Variants in ARFIP1 observed in about 807,000 individuals in gnomAD.
The protein encoded by ARFIP1 is ARF interacting protein 1, also known as arfaptin-1.
ARFIP1 carries 24 observed loss-of-function variants against 42.5 expected under a neutral mutation model. That is an observed-to-expected ratio of 0.57 (90% CI 0.41 to 0.80). The LOEUF is 0.80. Ranked by LOEUF, ARFIP1 falls within the 30% of genes least tolerant of loss-of-function variation. ARFIP1 has a pLI of 0.00. For synonymous variants in ARFIP1, 141 were observed against 153.7 expected, an observed-to-expected ratio of 0.92 and a Z score of 0.61; for missense variants, 354 against 434.0, an observed-to-expected ratio of 0.82 and a Z score of 1.64.
At chr4:152,866,964 T>A (rs989957813) in intron 3 of ARFIP1, among the ~76,000 whole-genome samples, 2 of 145,308 alleles carry the variant, frequency 1.4e-5, no homozygotes, top group Admixed American at 6.8e-5. Flanking sequence ...CGCTCCTCAC[T>A]TCCTAGATGG....
intron 1 of ARFIP1, among the ~76,000 whole-genome samples, chr4:152,789,367 G>A (rs1367518013): frequency 1.3e-5 from 2 of 152,096 alleles, no homozygotes; most frequent in Non-Finnish European, 2.9e-5. Context: ...TGGGATTACA[G>A]GCGTGAGCCA....
chr4:152,894,314 C>G (rs1338785128), intron 8 of ARFIP1, among the ~76,000 whole-genome samples: 1 of 151,820 alleles, frequency 6.6e-6, no homozygotes, highest in Non-Finnish European at 1.5e-5. Flanking sequence ...TCTTTGCTTA[C>G]TAAAACTTCT....
chr4:152,796,468 A>C lies in ARFIP1; in HGVS notation c.-10+16242A>C, dbSNP rs547741929. The C allele has an allele frequency of 9.1e-5, 67 of 733,604 alleles. No homozygotes were observed. In the African/African-American group the frequency reaches 1.1e-3, roughly 12 times the overall value. 45.4% of individuals were successfully genotyped at this position (733,604 alleles called of 1,614,324 possible). A position where few individuals can be genotyped will look rare whatever the true frequency, so the allele number is the denominator to read the frequency against. ...AATGCTTCTGTTTCTCCCTGGGCAC[A>C]TACTTTAGGCAGAGGGACTTCCCAT... On this transcript the variant is annotated intron_variant, in intron 1 of 8. Coordinates refer to ENST00000353617, the MANE Select transcript of ARFIP1 (RefSeq NM_001025595.3).
intron 1 of ARFIP1, among the ~76,000 whole-genome samples, chr4:152,810,618 C>T (rs1490810480): frequency 6.6e-6 from 1 of 151,354 alleles, no homozygotes; most frequent in Non-Finnish European, 1.5e-5. Context: ...ACCATCCTGG[C>T]TAACATGGTG....
chr4:152,821,852 T>C (rs772122386), intron 1 of ARFIP1, among the ~76,000 whole-genome samples: 5 of 152,092 alleles, frequency 3.3e-5, no homozygotes, highest in Non-Finnish European at 7.4e-5. Context: ...TTAAACAGAA[T>C]AACATCCAGC....
At chr4:152,866,825 C>T (rs903473121) in intron 3 of ARFIP1, among the ~76,000 whole-genome samples, 30 of 151,226 alleles carry the variant, frequency 2.0e-4, no homozygotes, top group Admixed American at 2.6e-4. Context: ...GATGGGGTCG[C>T]GGCCAGGCAG....
intron 1 of ARFIP1, among the ~76,000 whole-genome samples, chr4:152,811,795 CAT>C (rs1165345745): frequency 6.6e-6 from 1 of 152,140 alleles, no homozygotes; most frequent in Non-Finnish European, 1.5e-5. Context: ...AGTGAGGTAT[CAT>C]GTATATTTTT....
rs1452333559 is a variant in ARFIP1, at chr4:152,865,120, C to T, written c.202+1406C>T. On this transcript the variant is annotated intron_variant, in intron 3 of 8. Transcript: ENST00000353617. ...CCATGCCTTTGTAAACCATAGCCCT[C>T]ATGCAGATATTAGTATTCTGTATTT... Among the ~76,000 whole-genome samples, 5 of 151,658 alleles carry T rather than the reference C, an allele frequency of 3.3e-5. No homozygotes were observed. The East Asian group carries it at 9.7e-4, about 29-fold the overall frequency.
chr4:152,854,358 A>G (rs113674551), intron 2 of ARFIP1, among the ~76,000 whole-genome samples: 188 of 152,220 alleles, frequency 1.2e-3, no homozygotes, highest in African/African-American at 4.3e-3. Flanking sequence ...TAAATTTCTC[A>G]TTCATATCCT....
chr4:152,909,099 A>C (rs1212654528), intron 8 of ARFIP1, among the ~76,000 whole-genome samples: 1 of 152,214 alleles, frequency 6.6e-6, no homozygotes, highest in Non-Finnish European at 1.5e-5. Flanking sequence ...ATAAGACCTC[A>C]GATGTCCGGG....
intron 2 of ARFIP1, among the ~76,000 whole-genome samples, chr4:152,855,693 T>C (rs1162644721): frequency 6.6e-6 from 1 of 152,180 alleles, no homozygotes; most frequent in Non-Finnish European, 1.5e-5. Flanking sequence ...AGAGTGAGCT[T>C]CCTTTCTGGG....
chr4:152,808,780 A>G (rs988887157), intron 1 of ARFIP1, among the ~76,000 whole-genome samples: 1 of 152,148 alleles, frequency 6.6e-6, no homozygotes, highest in Admixed American at 6.5e-5. Context: ...TGTGTTTTAC[A>G]AAGTGGAGCC....
chr4:152,838,303 C>T (rs1166586165), intron 2 of ARFIP1, among the ~76,000 whole-genome samples: 3 of 151,848 alleles, frequency 2.0e-5, no homozygotes, highest in African/African-American at 7.3e-5. Flanking sequence ...TTTCTAATTC[C>T]GTGAAGAATG....
chr4:152,905,545 GTTTTT>G (rs59608457), intron 8 of ARFIP1, among the ~76,000 whole-genome samples: 15 of 30,378 alleles, frequency 4.9e-4, no homozygotes, highest in South Asian at 1.9e-3. Context: ...TGTAAGAATT[GTTTTT>G]TTTTTTTTTT....
chr4:152,830,192 T>A (rs915835836), intron 2 of ARFIP1, among the ~76,000 whole-genome samples: 2 of 152,166 alleles, frequency 1.3e-5, no homozygotes, highest in Non-Finnish European at 2.9e-5. Context: ...TGTCTCTCAG[T>A]CGAAATTTAA....
Position 152,912,202 on chromosome 4 carries a change from A to C in ARFIP1, c.*1983A>C, listed in dbSNP as rs183102441. The C allele has an allele frequency of 2.8e-4, 42 of 152,324 alleles. No homozygotes were observed. The highest frequency in any genetic ancestry group is 9.9e-4 in the African/African-American group (41 of 41,584). 9.4% of individuals were successfully genotyped at this position (152,324 alleles called of 1,614,324 possible). ...TGATTCTGATAGTGGGCACATGACC[A>C]AAAGAAAAAAGTAAATCAATATATT... On this transcript the variant is annotated 3_prime_UTR_variant, in exon 9 of 9. Transcript: ENST00000353617.
chr4:152,884,466 T>C (rs1246319303), intron 7 of ARFIP1, among the ~76,000 whole-genome samples: 1 of 152,008 alleles, frequency 6.6e-6, no homozygotes, highest in African/African-American at 2.4e-5. Context: ...CTCTAATCAT[T>C]TTAAATATTC....
At chr4:152,818,842 T>C (rs1730122916) in intron 1 of ARFIP1, among the ~76,000 whole-genome samples, 1 of 152,142 alleles carries the variant, frequency 6.6e-6, no homozygotes, top group African/African-American at 2.4e-5. Flanking sequence ...TGGGACTTAG[T>C]GCTGCCTGCA....
At chr4:152,812,607 G>T (rs1409693448) in intron 1 of ARFIP1, among the ~76,000 whole-genome samples, 2 of 152,218 alleles carry the variant, frequency 1.3e-5, no homozygotes, top group Non-Finnish European at 2.9e-5. Context: ...TTTTCAGCCT[G>T]GAGCTCTAGA....
Sources: gnomAD v4.1 joint callset for allele counts (sites outside exome capture counted in the v4.1 genomes callset) on GRCh38, gnomAD v4.1.1 for gene constraint, MANE v1.5 for transcripts, NCBI Gene and HGNC (gene_info 2026-07-23, HGNC 2026-07-21) for gene names.